The following GNG4 variants were observed in gnomAD, a reference collection of about 807,000 sequenced individuals.
GNG4 encodes the protein guanine nucleotide-binding protein G(I)/G(S)/G(O) subunit gamma-4.
In GNG4, 4 loss-of-function variants were observed where a neutral mutation model predicts 5.8. The ratio of observed to expected loss-of-function variants is 0.69; its 90% CI spans 0.34 to 1.57. The LOEUF is 1.57. Ranked by LOEUF, GNG4 falls within the 40% of genes most tolerant of loss-of-function variation. GNG4 has a pLI of 0.06. For synonymous variants in GNG4, 29 were observed against 32.9 expected, an observed-to-expected ratio of 0.88 and a Z score of 0.41; for missense variants, 96 against 95.1, an observed-to-expected ratio of 1.01 and a Z score of -0.04.
intron 3 of GNG4, among the ~76,000 whole-genome samples, chr1:235,570,703 T>C (rs1330110097): frequency 6.6e-6 from 1 of 150,426 alleles, no homozygotes; most frequent in Non-Finnish European, 1.5e-5. Context: ...CCAGTCTAAA[T>C]AAATTTTTAA....
rs147989886 is a variant in GNG4 at position 235,625,087 on chromosome 1, A to AGGGGCTCT, written c.-123+24567_-123+24574dup. Among the ~76,000 whole-genome samples the AGGGGCTCT allele has an allele frequency of 9.9e-5, 15 of 152,108 alleles. No homozygotes were observed. In the East Asian group the frequency reaches 2.9e-3, roughly 29 times the overall value. ...GCAGGTCAGGGCCCCAGCCTGGCAAAGGGGCTCTGGGGCTCTGGGGGAGGG... is the reference window on the plus strand; with the variant it reads ...GCAGGTCAGGGCCCCAGCCTGGCAAAGGGGCTCTGGGGCTCTGGGGCTCTGGGGGAGGG... On this transcript the variant is annotated intron_variant, in intron 1 of 3. Coordinates refer to ENST00000391854, the MANE Select transcript of GNG4 (RefSeq NM_001098722.2).
intron 1 of GNG4, among the ~76,000 whole-genome samples, chr1:235,637,230 C>T (rs1483397026): frequency 6.6e-6 from 1 of 152,118 alleles, no homozygotes. Flanking sequence ...GCAGACATAT[C>T]GGGAGTAGTT....
At chr1:235,606,832 C>G (rs1005218617) in intron 1 of GNG4, among the ~76,000 whole-genome samples, 1 of 151,924 alleles carries the variant, frequency 6.6e-6, no homozygotes, top group Non-Finnish European at 1.5e-5. Context: ...GCGTGCAGAG[C>G]CTTTGGCCCA....
chr1:235,645,077 C>T (rs1260300180), intron 1 of GNG4, among the ~76,000 whole-genome samples: 1 of 152,198 alleles, frequency 6.6e-6, no homozygotes, highest in Non-Finnish European at 1.5e-5. Flanking sequence ...GCCTGCAAAG[C>T]CAGGCTGCCT....
At chr1:235,576,247 T>C (rs1015273617) in intron 3 of GNG4, among the ~76,000 whole-genome samples, 1 of 151,168 alleles carries the variant, frequency 6.6e-6, no homozygotes, top group Non-Finnish European at 1.5e-5. Context: ...TGTATTTTAG[T>C]AGGGAGGGGT....
chr1:235,646,603 G>A (rs1049382191), intron 1 of GNG4, among the ~76,000 whole-genome samples: 1 of 152,130 alleles, frequency 6.6e-6, no homozygotes, highest in African/African-American at 2.4e-5. Flanking sequence ...CCATGGAGAC[G>A]AACAGTTCCT....
chr1:235,639,905 A>G (rs1657267606), intron 1 of GNG4, among the ~76,000 whole-genome samples: 1 of 152,202 alleles, frequency 6.6e-6, no homozygotes, highest in African/African-American at 2.4e-5. Flanking sequence ...CCCCTAGGAC[A>G]TGGCACACAG....
chr1:235,587,454 GTAC>G (rs1687813788), intron 2 of GNG4, among the ~76,000 whole-genome samples: 1 of 49,610 alleles, frequency 2.0e-5, no homozygotes. Flanking sequence ...GTGTGTGAGG[GTAC>G]AGGGTGGGGG....
rs1416133976 is a variant in GNG4 at position 235,648,803 on chromosome 1, G to C, written c.-123+859C>G. ...GAGAGACGCGGCAGCCGCGGGGCCG[G>C]GGAGACGGTGGGAGGCCCGGCGTCC... On this transcript the variant is annotated intron_variant, in intron 1 of 3. Transcript: ENST00000391854. This position sits in a 1 kb window ranked among gnomAD's most constrained non-coding sequence, Gnocchi z 5.0. Among the ~76,000 whole-genome samples the C allele has an allele frequency of 6.6e-6, 1 of 152,224 alleles. No homozygotes were observed. The highest frequency in any genetic ancestry group is 2.4e-5 in the African/African-American group (1 of 41,458).
In GNG4 at chr1:235,552,013, T is replaced by C; in HGVS notation, c.*96A>G. 3.0e-6 allele frequency: 3 copies of C among 999,078 alleles called. No individual in the cohort carries two copies. In the South Asian group the frequency reaches 4.5e-5, roughly 15 times the overall value. The allele number at this position is 999,078 out of a possible 1,614,324, so 61.9% of individuals were successfully genotyped here. Reference sequence around the variant, plus strand: ...CCGGCCACTGTTGGCTGGGCAGGGATGGGTGTTGGTCTCACTCCCTAAGGC... The same window carrying C: ...CCGGCCACTGTTGGCTGGGCAGGGACGGGTGTTGGTCTCACTCCCTAAGGC... On this transcript the variant is annotated 3_prime_UTR_variant, in exon 4 of 4. Transcript: ENST00000391854.
chr1:235,647,745 G>A (rs1657548135), intron 1 of GNG4, among the ~76,000 whole-genome samples: 1 of 152,054 alleles, frequency 6.6e-6, no homozygotes, highest in Admixed American at 6.5e-5. Flanking sequence ...AGTGATTCTC[G>A]TGCCTCAGCC....
In GNG4 at chr1:235,649,603, C is replaced by A. The variant is rs1196641702; in HGVS notation, c.-123+59G>T. On this transcript the variant is annotated intron_variant, in intron 1 of 3. Transcript: ENST00000391854. This position sits in a 1 kb window ranked among gnomAD's most constrained non-coding sequence, Gnocchi z 5.7. Reference sequence around the variant, plus strand: ...CCCCGAGTTTCCCTTCCGCGTCTGGCTGCACCGGGCTGGGCTCTCCCCGCG... The same window carrying A: ...CCCCGAGTTTCCCTTCCGCGTCTGGATGCACCGGGCTGGGCTCTCCCCGCG... The A allele has an allele frequency of 2.0e-5, 3 of 152,394 alleles. No homozygotes were observed. The highest frequency in any genetic ancestry group is 3.9e-4 in the East Asian group (2 of 5,180). The allele number at this position is 152,394 out of a possible 1,614,324, so 9.4% of individuals were successfully genotyped here.
At chr1:235,637,609 G>T (rs1191006412) in intron 1 of GNG4, among the ~76,000 whole-genome samples, 1 of 146,768 alleles carries the variant, frequency 6.8e-6, no homozygotes, top group Non-Finnish European at 1.5e-5. Context: ...AGCCGAGATT[G>T]CACCACTGCA....
intron 1 of GNG4, among the ~76,000 whole-genome samples, chr1:235,610,127 T>G (rs1469697094): frequency 6.6e-6 from 1 of 152,222 alleles, no homozygotes; most frequent in Non-Finnish European, 1.5e-5. Flanking sequence ...GGAGTTCTTA[T>G]GCCTCTTTAA....
At position 235,549,628 on chromosome 1, in the gene GNG4, T is replaced by G. The variant is rs1027415118; in HGVS notation, c.*2481A>C. 1 of 132,664 alleles carries G rather than the reference T, an allele frequency of 7.5e-6. No homozygotes were observed. Among genetic ancestry groups the G allele is most frequent in the Non-Finnish European group, 1.8e-5 (1 of 56,560 alleles). 8.2% of individuals were successfully genotyped at this position (132,664 alleles called of 1,614,324 possible). A position where few individuals can be genotyped will look rare whatever the true frequency, so the allele number is the denominator to read the frequency against. ...TCCTAGCGTCACATCCAGCATACAA[T>G]TCTGCTCTAGTTTGAGCATCTTAAC... is the stretch of plus-strand genomic sequence containing the variant. On this transcript the variant is annotated 3_prime_UTR_variant, in exon 4 of 4. Coordinates refer to ENST00000391854, the MANE Select transcript of GNG4 (RefSeq NM_001098722.2).
intron 3 of GNG4, among the ~76,000 whole-genome samples, chr1:235,557,681 C>G (rs1346898591): frequency 6.6e-6 from 1 of 152,160 alleles, no homozygotes; most frequent in African/African-American, 2.4e-5. Flanking sequence ...TCTCTAGGAG[C>G]AACCTCAAGG....
chr1:235,575,749 C>T (rs1278435314), intron 3 of GNG4, among the ~76,000 whole-genome samples: 2 of 152,206 alleles, frequency 1.3e-5, no homozygotes, highest in Non-Finnish European at 2.9e-5. Context: ...TCATGAGCCA[C>T]AGACATAGGA....
chr1:235,612,063 CACAA>C (rs1243431313), intron 1 of GNG4, among the ~76,000 whole-genome samples: 6 of 11,178 alleles, frequency 5.4e-4, no homozygotes, highest in African/African-American at 2.1e-3. Flanking sequence ...GACTTTGTCT[CACAA>C]AAAAAAAAAA....
upstream of GNG4, chr1:235,650,017 C>T (rs1657632028): frequency 6.6e-6 from 1 of 150,858 alleles, no homozygotes; most frequent in Non-Finnish European, 1.5e-5. Flanking sequence ...CGCGCCCACT[C>T]CGCCGCGGGG....
Sources: gnomAD v4.1 joint callset for allele counts (sites outside exome capture counted in the v4.1 genomes callset) on GRCh38, gnomAD v4.1.1 for gene constraint, Gnocchi (gnomAD v3.1) non-coding constraint, MANE v1.5 for transcripts, NCBI Gene and HGNC (gene_info 2026-07-23, HGNC 2026-07-21) for gene names.